Variants in ARHGEF12 observed in about 807,000 individuals in gnomAD.
The protein encoded by ARHGEF12 is Rho guanine nucleotide exchange factor 12, also known as KMT2A/ARHGEF12 fusion protein.
ARHGEF12 carries 66 observed loss-of-function variants against 211.2 expected under a neutral mutation model. The observed-to-expected ratio is 0.31, with a 90% confidence interval of 0.26 to 0.38. ARHGEF12 has a LOEUF of 0.38. Among genes scored for constraint, ARHGEF12 ranks in the 10% least tolerant of loss-of-function variants. The pLI, the probability that ARHGEF12 is intolerant of heterozygous loss-of-function variation, is 1.00. For synonymous variants in ARHGEF12, 592 were observed against 638.4 expected, an observed-to-expected ratio of 0.93 and a Z score of 1.09; for missense variants, 1,429 against 1,869.5, an observed-to-expected ratio of 0.76 and a Z score of 4.34.
intron 40 of ARHGEF12, 144 bp downstream of exon 40, chr11:120,484,651 T>A: frequency 1.3e-6 from 1 of 762,722 alleles, no homozygotes; most frequent in Non-Finnish European, 2.1e-6. Context: ...ACATCAGATA[T>A]CAAGCGGAAG....
intron 11 of ARHGEF12, among the ~76,000 whole-genome samples, chr11:120,433,694 G>A (rs1945612652): frequency 6.6e-6 from 1 of 152,140 alleles, no homozygotes; most frequent in African/African-American, 2.4e-5. Flanking sequence ...CGTGGATCAC[G>A]CCTGTAATCC....
chr11:120,460,761 A>G lies in ARHGEF12; in HGVS notation c.2613+4A>G, dbSNP rs1946502116. 2 of 1,611,476 alleles carry G rather than the reference A, an allele frequency of 1.2e-6. No homozygotes were observed. Among genetic ancestry groups the G allele is most frequent in the Non-Finnish European group, 8.5e-7 (1 of 1,178,224 alleles). The stretch of plus-strand genomic sequence containing the variant: ...TGGGGAAGATTTGCTGACATGGGTA[A>G]GGAAATTTTCTGTTTCTTTTTAATA... On this transcript the variant is annotated splice_donor_region_variant and intron_variant, in intron 27 of 40. Transcript: ENST00000397843.
intron 10 of ARHGEF12, among the ~76,000 whole-genome samples, chr11:120,430,052 A>C (rs1202010888): frequency 6.6e-6 from 1 of 152,188 alleles, no homozygotes; most frequent in Non-Finnish European, 1.5e-5. Context: ...GTTCCATAAT[A>C]ATTTAAAAAA....
chr11:120,428,276 T>C, intron 8 of ARHGEF12, 29 bp downstream of exon 8: 2 of 1,542,356 alleles, frequency 1.3e-6, no homozygotes, highest in Non-Finnish European at 1.8e-6. Context: ...CTTAGTTAAA[T>C]GCTCAGTCTT....
intron 1 of ARHGEF12, among the ~76,000 whole-genome samples, chr11:120,363,344 T>C (rs1943331705): frequency 6.6e-6 from 1 of 152,216 alleles, no homozygotes; most frequent in Non-Finnish European, 1.5e-5. Flanking sequence ...TGCCTTCTTT[T>C]TGAGGCTGCT....
At chr11:120,457,994 A>C in intron 24 of ARHGEF12, 86 bp from the exon 25 acceptor site, 1 of 1,452,706 alleles carries the variant, frequency 6.9e-7, no homozygotes, top group Non-Finnish European at 9.4e-7. Flanking sequence ...GAATCTGATT[A>C]GAATTTATTG....
chr11:120,347,148 C>T (rs113067832), intron 1 of ARHGEF12, among the ~76,000 whole-genome samples: 17 of 40,374 alleles, frequency 4.2e-4, no homozygotes, highest in Non-Finnish European at 3.5e-4. Flanking sequence ...TCCTTCCTTC[C>T]TTCCTTCCTT....
chr11:120,415,708 TG>T (rs1345539084), intron 4 of ARHGEF12, among the ~76,000 whole-genome samples: 1 of 152,202 alleles, frequency 6.6e-6, no homozygotes, highest in Non-Finnish European at 1.5e-5. Flanking sequence ...GAATTTTGAA[TG>T]GTAGGATGGC....
chr11:120,440,124 G>T lies in ARHGEF12; in HGVS notation c.1000-5G>T, dbSNP rs1210805187. Reference sequence around the variant, plus strand: ...TTTCTGTTTCTTTTCCCTGAATGTTGCCAGGACACTCAATCACTTGTCGGA... The same window carrying T: ...TTTCTGTTTCTTTTCCCTGAATGTTTCCAGGACACTCAATCACTTGTCGGA... On this transcript the variant is annotated splice_polypyrimidine_tract_variant and splice_region_variant and intron_variant, in intron 12 of 40. Transcript: ENST00000397843. The T allele has an allele frequency of 6.2e-7, 1 of 1,605,220 alleles. No homozygotes were observed. The highest frequency in any genetic ancestry group is 8.5e-7 in the Non-Finnish European group (1 of 1,174,570).
intron 1 of ARHGEF12, among the ~76,000 whole-genome samples, chr11:120,391,496 C>A (rs1035686126): frequency 1.3e-5 from 2 of 152,206 alleles, no homozygotes; most frequent in Admixed American, 6.5e-5. Context: ...AGCATAGCTG[C>A]TGGGGAAACC....
chr11:120,414,427 T>TG (rs34824782), intron 4 of ARHGEF12, among the ~76,000 whole-genome samples: 69,991 of 151,946 alleles, frequency 0.46, 17,009 homozygotes, highest in African/African-American at 0.62. Context: ...TGTTTGAGTA[T>TG]TTTATTTAAA....
chr11:120,468,155 G>A lies in ARHGEF12; in HGVS notation c.2854+847G>A, dbSNP rs144102894. On this transcript the variant is annotated intron_variant, in intron 29 of 40. Transcript: ENST00000397843. ...CCGTTTTGAAACATGAAATGAATCT[G>A]TTTCTCAGCTGAGCTTTAGGTTCTT... Among the ~76,000 whole-genome samples, 1,256 of 152,286 alleles carry A rather than the reference G, an allele frequency of 8.2e-3. 19 individuals are homozygous for A. The highest frequency in any genetic ancestry group is 9.4e-3 in the Non-Finnish European group (636 of 68,012).
intron 4 of ARHGEF12, among the ~76,000 whole-genome samples, chr11:120,416,523 A>G (rs564711522): frequency 2.9e-4 from 44 of 152,318 alleles, no homozygotes; most frequent in African/African-American, 1.0e-3. Context: ...AAGGACGTCC[A>G]GCTGTCTCTC....
At position 120,440,234 on chromosome 11, in the gene ARHGEF12, T is replaced by C; in HGVS notation, c.1092+13T>C. The C allele has an allele frequency of 6.3e-7, 1 of 1,592,558 alleles. No individual in the cohort carries two copies. Among genetic ancestry groups the C allele is most frequent in the Non-Finnish European group, 8.6e-7 (1 of 1,166,106 alleles). On this transcript the variant is annotated intron_variant, in intron 13 of 40. Transcript: ENST00000397843. ...TGAACATGAACAGGTGATGACTTTT[T>C]TCTTTCTAAAAAATAGATTGTTACT...
chr11:120,392,712 C>T (rs1051137249), intron 1 of ARHGEF12, among the ~76,000 whole-genome samples: 3 of 152,132 alleles, frequency 2.0e-5, no homozygotes, highest in Non-Finnish European at 2.9e-5. Flanking sequence ...CTAAACTAGT[C>T]CTTAAAGATG....
rs1202134054 is a variant in ARHGEF12 at position 120,398,974 on chromosome 11, C to T, written c.33-7144C>T. On this transcript the variant is annotated intron_variant, in intron 1 of 40. Transcript: ENST00000397843. Reference sequence around the variant, plus strand: ...GTTCAATCTTTATTCCATTAGAGTTCTACTTGGAAAGTATTAATATGTAAG... The same window carrying T: ...GTTCAATCTTTATTCCATTAGAGTTTTACTTGGAAAGTATTAATATGTAAG... Among the ~76,000 whole-genome samples, 4 of 152,022 alleles carry T rather than the reference C, an allele frequency of 2.6e-5. No homozygotes were observed. In the East Asian group the frequency reaches 5.8e-4, roughly 22 times the overall value.
At chr11:120,448,749 A>G (rs1218532210) in intron 20 of ARHGEF12, 2 of 273,978 alleles carry the variant, frequency 7.3e-6, no homozygotes, top group East Asian at 1.6e-4. Context: ...GTAAAGCTGT[A>G]TGAGTACAAG....
rs767862374 is a variant in ARHGEF12, at chr11:120,449,222, G to A, written c.1843+8G>A. 6.2e-6 allele frequency: 10 copies of A among 1,610,106 alleles called. No individual in the cohort carries two copies. Among genetic ancestry groups the A allele is most frequent in the Non-Finnish European group, 8.5e-6 (10 of 1,176,858 alleles). Reference sequence around the variant, plus strand: ...GTCATGACAACAGTGCAAGTATGTTGAAGTTTGAAGTGCTGCATTTTCAGT... The same window carrying A: ...GTCATGACAACAGTGCAAGTATGTTAAAGTTTGAAGTGCTGCATTTTCAGT... On this transcript the variant is annotated splice_region_variant and intron_variant, in intron 21 of 40. Transcript: ENST00000397843.
intron 40 of ARHGEF12, 25 bp downstream of exon 40, chr11:120,484,532 A>T (rs1314161702): frequency 1.3e-6 from 2 of 1,574,664 alleles, no homozygotes; most frequent in Non-Finnish European, 8.7e-7. Context: ...TGAGTTCCAG[A>T]CTCTAGACTA....
Sources: gnomAD v4.1 joint callset for allele counts (sites outside exome capture counted in the v4.1 genomes callset) on GRCh38, gnomAD v4.1.1 for gene constraint, MANE v1.5 for transcripts, NCBI Gene and HGNC (gene_info 2026-07-23, HGNC 2026-07-21) for gene names.